Variants in ANK3 observed in about 807,000 individuals in gnomAD.
ANK3 encodes the protein ankyrin 3.
In ANK3, 57 loss-of-function variants were observed where a neutral mutation model predicts 370.9. The observed-to-expected ratio is 0.15, with a 90% CI of 0.12 to 0.19. The LOEUF is 0.19. Ranked by LOEUF, ANK3 falls within the 10% of genes least tolerant of loss-of-function variation. The pLI, the probability that ANK3 is intolerant of heterozygous loss-of-function variation, is 1.00. For synonymous variants in ANK3, 1,929 were observed against 1,946.3 expected, an observed-to-expected ratio of 0.99 and a Z score of 0.23; for missense variants, 4,439 against 5,302.1, an observed-to-expected ratio of 0.84 and a Z score of 5.06.
intron 16 of ANK3, 109 bp from the exon 17 acceptor site, chr10:60,187,021 A>C (rs2096356004): frequency 9.3e-7 from 1 of 1,079,130 alleles, no homozygotes; most frequent in African/African-American, 1.5e-5. Context: ...TGATTGCTTA[A>C]GAAATCATGA....
intron 11 of ANK3, among the ~76,000 whole-genome samples, chr10:60,205,073 CTGGGACAAGTCTGAAAGGG>C (rs2096740949): frequency 6.6e-6 from 1 of 151,964 alleles, no homozygotes; most frequent in Non-Finnish European, 1.5e-5. Context: ...GGTTGGGGGT[CTGGGACAAGTCTGAAAGGG>C]TAGGTGTCAG....
chr10:60,542,321 C>T (rs1271459660), intron 2 of ANK3, among the ~76,000 whole-genome samples: 1 of 151,798 alleles, frequency 6.6e-6, no homozygotes, highest in African/African-American at 2.4e-5. Flanking sequence ...AAATTTACCC[C>T]ACATCCAACC....
chr10:60,430,721 T>A (rs1262866953), intron 2 of ANK3, among the ~76,000 whole-genome samples: 1 of 152,168 alleles, frequency 6.6e-6, no homozygotes, highest in African/African-American at 2.4e-5. Context: ...AGAAAAATCA[T>A]GACTTCTTAT....
At chr10:60,562,419 T>C (rs998336639) in intron 2 of ANK3, among the ~76,000 whole-genome samples, 1 of 148,694 alleles carries the variant, frequency 6.7e-6, no homozygotes, top group Non-Finnish European at 1.5e-5. Flanking sequence ...GGGGGGGGCA[T>C]CCGTGGGGTA....
In ANK3 at chr10:60,172,368, G is replaced by A. The variant is rs544149991; in HGVS notation, c.2418C>T (p.Leu806=). Residue 806 remains leucine (L), a synonymous_variant, in exon 21 of 44, where the codon CTC becomes CTT. Transcript: ENST00000280772. ...GGGTGTCCACTACTGAGATGTAGCC[G>A]AGGCGCCGGGCAATGCCAAGGGCAG... ...GNTALGIARR[L]GYISVVDTLK... The A allele has an allele frequency of 8.1e-6, 13 of 1,613,900 alleles. No individual in the cohort carries two copies. The highest frequency in any genetic ancestry group is 2.7e-5 in the African/African-American group (2 of 74,916).
chr10:60,053,652 C>T lies in ANK3; in HGVS notation c.13065+2006G>A, dbSNP rs1315452791. ...TTTGCCATGGGTTGCTGCATGGAAA[C>T]AGGTGGAAAATAGCAGAATTTTACC... On this transcript the variant is annotated intron_variant, in intron 42 of 43. Transcript: ENST00000280772. The T allele has an allele frequency of 3.1e-6, 4 of 1,299,052 alleles. No homozygotes were observed. In the South Asian group the frequency reaches 3.7e-5, roughly 12 times the overall value. The allele number at this position is 1,299,052 out of a possible 1,614,324, so 80.5% of individuals were successfully genotyped here.
At chr10:60,250,614 C>A (rs972884883) in intron 7 of ANK3, among the ~76,000 whole-genome samples, 4 of 152,142 alleles carry the variant, frequency 2.6e-5, no homozygotes, top group African/African-American at 7.2e-5. Flanking sequence ...ATCTGCCCTC[C>A]TTGGCCTCCC....
At chr10:60,594,880 A>G (rs763996420) in intron 2 of ANK3, among the ~76,000 whole-genome samples, 5 of 152,022 alleles carry the variant, frequency 3.3e-5, no homozygotes, top group Non-Finnish European at 5.9e-5. Context: ...CTTCCTCACA[A>G]TCACCTTGCA....
chr10:60,640,092 T>C (rs1162600361), intron 1 of ANK3, among the ~76,000 whole-genome samples: 1 of 151,996 alleles, frequency 6.6e-6, no homozygotes, highest in Non-Finnish European at 1.5e-5. Context: ...GGCTTGAGAA[T>C]AAAGAATATT....
intron 42 of ANK3, among the ~76,000 whole-genome samples, chr10:60,049,882 C>CT (rs1052131098): frequency 6.6e-6 from 1 of 152,074 alleles, no homozygotes; most frequent in Non-Finnish European, 1.5e-5. Flanking sequence ...CCGCCTTCCA[C>CT]TTTTTTTGCA....
chr10:60,232,495 G>A (rs961060386), intron 8 of ANK3, among the ~76,000 whole-genome samples: 1 of 152,140 alleles, frequency 6.6e-6, no homozygotes, highest in Non-Finnish European at 1.5e-5. Flanking sequence ...AATGGTTCTA[G>A]CATTCTTTAC....
chr10:60,074,166 G>T lies in ANK3; in HGVS notation c.6715C>A (p.Arg2239Ser), dbSNP rs747533848. 5 of 1,613,822 alleles carry T rather than the reference G, an allele frequency of 3.1e-6. No homozygotes were observed. Among genetic ancestry groups the T allele is most frequent in the African/African-American group, 2.7e-5 (2 of 74,888 alleles). ...DHNRVLSKGM[R>S]VKEETHITTT... ...GTTATGTGAGTCTCTTCTTTAACAC[G>T]CATGCCTTTGCTTAAAACCCGATTG... The change falls in exon 37 of 44, where the codon CGT becomes AGT. Residue 2239 changes from arginine (R) to serine (S), a missense_variant. This residue lies in a region of ANK3 where 1,601 missense variants were observed against 1,731.7 expected (regional missense o/e 0.92). Coordinates refer to ENST00000280772, the MANE Select transcript of ANK3 (RefSeq NM_020987.5).
chr10:60,153,612 A>G (rs997707024), intron 23 of ANK3, among the ~76,000 whole-genome samples: 1 of 152,208 alleles, frequency 6.6e-6, no homozygotes, highest in African/African-American at 2.4e-5. Flanking sequence ...CTAAATGAAA[A>G]TGTACATAGC....
chr10:60,063,199 C>A lies in ANK3; in HGVS notation c.12507G>T (p.Leu4169=). Residue 4169 remains leucine, a synonymous_variant, in exon 40 of 44, where the codon CTG becomes CTT. Transcript: ENST00000280772. The part of the protein sequence containing the change: ...TKINRIDIVT[L]LEGPIFDYGN... Reference sequence around the variant, plus strand: ...CATAATCAAATATTGGTCCTTCTAGCAGTGTCACTATATCTATTCGATTAA... The same window carrying A: ...CATAATCAAATATTGGTCCTTCTAGAAGTGTCACTATATCTATTCGATTAA... 1 of 1,613,480 alleles carries A rather than the reference C, an allele frequency of 6.2e-7. No individual in the cohort carries two copies. Among genetic ancestry groups the A allele is most frequent in the Non-Finnish European group, 8.5e-7 (1 of 1,179,756 alleles).
At chr10:60,045,886 C>T (rs1484060634) in intron 42 of ANK3, among the ~76,000 whole-genome samples, 1 of 150,754 alleles carries the variant, frequency 6.6e-6, no homozygotes, top group Non-Finnish European at 1.5e-5. Flanking sequence ...GACTAGAACA[C>T]TATTGTTTTG....
intron 1 of ANK3, among the ~76,000 whole-genome samples, chr10:60,338,873 T>C (rs1029848116): frequency 5.9e-5 from 9 of 152,078 alleles, no homozygotes; most frequent in Non-Finnish European, 1.2e-4. Context: ...GCCAAACATA[T>C]TTAATGTAGA....
chr10:60,454,653 G>A (rs1213715161), intron 2 of ANK3, among the ~76,000 whole-genome samples: 4 of 152,222 alleles, frequency 2.6e-5, no homozygotes, highest in Non-Finnish European at 4.4e-5. Flanking sequence ...CTGGGATGAC[G>A]TTTTTATTAC....
At chr10:60,155,897 GC>G (rs2095313883) in intron 23 of ANK3, among the ~76,000 whole-genome samples, 1 of 152,196 alleles carries the variant, frequency 6.6e-6, no homozygotes, top group Non-Finnish European at 1.5e-5. Context: ...CAGGCCTTTG[GC>G]CACAGACTGA....
At chr10:60,375,901 G>A (rs1311390886) in intron 1 of ANK3, among the ~76,000 whole-genome samples, 1 of 152,114 alleles carries the variant, frequency 6.6e-6, no homozygotes, top group Admixed American at 6.5e-5. Flanking sequence ...ATTTCTTCCA[G>A]GTGGACAAGG....
Sources: gnomAD v4.1 joint callset for allele counts (sites outside exome capture counted in the v4.1 genomes callset) on GRCh38, gnomAD v4.1.1 for gene constraint, gnomAD v4.1.1 regional missense constraint, MANE v1.5 for transcripts, NCBI Gene and HGNC (gene_info 2026-07-23, HGNC 2026-07-21) for gene names.